ZDHHC11B: variants seen among roughly 807,000 people sequenced by gnomAD.
ZDHHC11B encodes the protein probable palmitoyltransferase ZDHHC11B.
Under a neutral mutation model 42.3 loss-of-function variants are expected in ZDHHC11B, and 17 were observed. The observed-to-expected ratio is 0.40, with a 90% CI of 0.27 to 0.60. The LOEUF (loss-of-function observed/expected upper bound fraction) is 0.60. Ranked by LOEUF, ZDHHC11B falls within the 20% of genes least tolerant of loss-of-function variation. The pLI is 0.41. For missense variants in ZDHHC11B, 262 were observed against 463.2 expected (o/e 0.57, Z 3.99); for synonymous variants, 123 against 193.5 (o/e 0.64, Z 3.02).
At chr5:722,179 G>A (rs1309846783) in intron 12 of ZDHHC11B, among the ~76,000 whole-genome samples, 1 of 151,816 alleles carries the variant, frequency 6.6e-6, no homozygotes, top group Non-Finnish European at 1.5e-5. Context: ...AGACCAAAAA[G>A]CATTACTTAT....
intron 1 of ZDHHC11B, among the ~76,000 whole-genome samples, chr5:773,010 G>A (rs373513474): frequency 1.3e-5 from 2 of 152,098 alleles, no homozygotes; most frequent in African/African-American, 4.8e-5. Context: ...CTGCTGCTGG[G>A]TCTGGAGGAG....
At chr5:761,753 G>T (rs1015950581) in intron 4 of ZDHHC11B, among the ~76,000 whole-genome samples, 1 of 151,870 alleles carries the variant, frequency 6.6e-6, no homozygotes, top group Non-Finnish European at 1.5e-5. Context: ...AAGGCCTCTT[G>T]GGAAGTGAGC....
intron 1 of ZDHHC11B, among the ~76,000 whole-genome samples, chr5:770,592 C>T (rs1305483856): frequency 6.6e-6 from 1 of 152,000 alleles, no homozygotes; most frequent in East Asian, 1.9e-4. Flanking sequence ...GACGTGCTGC[C>T]TTCCTCTGGG....
chr5:759,063 T>C (rs1734230054), intron 4 of ZDHHC11B, among the ~76,000 whole-genome samples: 1 of 151,914 alleles, frequency 6.6e-6, no homozygotes, highest in African/African-American at 2.4e-5. Flanking sequence ...ATGCCGGTAG[T>C]GTTTTATGTT....
intron 9 of ZDHHC11B, among the ~76,000 whole-genome samples, chr5:742,118 A>G (rs1386284199): frequency 8.6e-6 from 1 of 115,710 alleles, no homozygotes; most frequent in African/African-American, 3.1e-5. Flanking sequence ...CTACCTTGGT[A>G]AGGAGTTTGT....
intron 8 of ZDHHC11B, among the ~76,000 whole-genome samples, chr5:745,706 C>T (rs1359008362): frequency 2.7e-5 from 4 of 150,062 alleles, no homozygotes; most frequent in South Asian, 2.2e-4. Flanking sequence ...CAGGAGGGGC[C>T]GCTCTGTCTG....
At chr5:738,750 G>A (rs1396269788) in intron 10 of ZDHHC11B, among the ~76,000 whole-genome samples, 2 of 149,958 alleles carry the variant, frequency 1.3e-5, no homozygotes, top group East Asian at 4.0e-4. Context: ...TGTGAAGAAT[G>A]AAGCTGGATC....
chr5:776,420 A>C (rs1483343275), intron 1 of ZDHHC11B, among the ~76,000 whole-genome samples: 11 of 151,814 alleles, frequency 7.2e-5, no homozygotes, highest in Non-Finnish European at 5.9e-5. Flanking sequence ...CCCCCCAGTA[A>C]ATCCGAAGCA....
At chr5:733,611 T>G (rs438508) in intron 11 of ZDHHC11B, 141 bp downstream of exon 11, 52,211 of 712,576 alleles carry the variant, frequency 0.073, 2,075 homozygotes, top group East Asian at 0.23. Flanking sequence ...CCACCCACCA[T>G]CATTCCCATG....
intron 9 of ZDHHC11B, among the ~76,000 whole-genome samples, chr5:743,673 TA>T (rs1242654883): frequency 2.7e-5 from 4 of 150,140 alleles, no homozygotes; most frequent in Admixed American, 6.7e-5. Context: ...AAGGAAGTTT[TA>T]AAAATATAAC....
intron 1 of ZDHHC11B, among the ~76,000 whole-genome samples, chr5:783,921 C>A (rs408304): frequency 8.3e-5 from 12 of 144,284 alleles, no homozygotes; most frequent in African/African-American, 2.7e-4. Context: ...CGCCACTGCC[C>A]GGGAGGGACA....
chr5:783,531 C>T (rs866334648), intron 1 of ZDHHC11B, among the ~76,000 whole-genome samples: 766 of 151,066 alleles, frequency 5.1e-3, no homozygotes, highest in African/African-American at 0.017. Context: ...TATCGGTCCC[C>T]CAGGGGCCCT....
chr5:783,465 C>G (rs1368489045), intron 1 of ZDHHC11B, among the ~76,000 whole-genome samples: 1 of 152,212 alleles, frequency 6.6e-6, no homozygotes. Context: ...AGACCTCTCC[C>G]CCTGAGAAGT....
chr5:741,219 C>A (rs1357000203), intron 10 of ZDHHC11B, among the ~76,000 whole-genome samples: 1 of 135,728 alleles, frequency 7.4e-6, no homozygotes, highest in Non-Finnish European at 1.6e-5. Context: ...ATGGGTTGGA[C>A]TCTCAGAGCT....
At chr5:776,303 C>A (rs436089) in intron 1 of ZDHHC11B, among the ~76,000 whole-genome samples, 87,278 of 148,642 alleles carry the variant, frequency 0.59, 23,226 homozygotes, top group East Asian at 0.79. Context: ...CCCACCTTGG[C>A]ACCGAAGCCC....
At position 730,331 on chromosome 5, in the gene ZDHHC11B, G is replaced by C. The variant is rs1177618537; in HGVS notation, c.1058+103C>G. The C allele has an allele frequency of 5.9e-6, 8 of 1,358,250 alleles. No homozygotes were observed. The African/African-American group carries it at 1.2e-4, about 20-fold the overall frequency. The allele number at this position is 1,358,250 out of a possible 1,614,324, so 84.1% of individuals were successfully genotyped here. On this transcript the variant is annotated intron_variant, in intron 12 of 13. Transcript: ENST00000508859. ...ATTTCTACTTTCCCTTATGTCATCA[G>C]AATATTTGAACATGTTAAATAGAGA... is the stretch of plus-strand genomic sequence containing the variant.
rs1212961115 is a variant in ZDHHC11B, at chr5:759,581, G to A, written c.223-3437C>T. Among the ~76,000 whole-genome samples, 3 of 151,964 alleles carry A rather than the reference G, an allele frequency of 2.0e-5. 1 individual carries two copies. Among genetic ancestry groups the A allele is most frequent in the Admixed American group, 6.6e-5 (1 of 15,246 alleles). The stretch of plus-strand genomic sequence containing the variant: ...ATTCCACACAACAGGCCCTACAGAC[G>A]CTGTGGTGGCGGCGGAGCCTGTTTC... On this transcript the variant is annotated intron_variant, in intron 4 of 13. Transcript: ENST00000508859.
intron 1 of ZDHHC11B, among the ~76,000 whole-genome samples, chr5:776,584 G>A (rs775160030): frequency 2.6e-5 from 4 of 151,796 alleles, no homozygotes; most frequent in African/African-American, 7.3e-5. Context: ...CTCTCAGCTC[G>A]AGACCCTCGC....
chr5:736,068 A>G (rs1166713543), intron 10 of ZDHHC11B, among the ~76,000 whole-genome samples: 1 of 149,538 alleles, frequency 6.7e-6, no homozygotes, highest in Admixed American at 6.8e-5. Context: ...TGCTGTCTTC[A>G]AGAGACACAC....
Sources: allele counts gnomAD v4.1 joint callset (sites outside exome capture counted in the v4.1 genomes callset), GRCh38; gene constraint gnomAD v4.1.1; transcripts MANE v1.5; gene names NCBI Gene and HGNC (gene_info 2026-07-23, HGNC 2026-07-21).